The following AFF2 variants were observed in gnomAD, a reference collection of about 807,000 sequenced individuals.
AFF2 encodes ALF transcription elongation factor 2, also known as AF4/FMR2 family member 2.
Under a neutral mutation model 76.9 loss-of-function variants are expected in AFF2, and 14 were observed. The ratio of observed to expected loss-of-function variants is 0.18; its 90% CI spans 0.12 to 0.28. The LOEUF is 0.28. Among genes scored for constraint, AFF2 ranks in the 10% least tolerant of loss-of-function variants. AFF2 has a pLI of 1.00. For synonymous variants in AFF2, 398 were observed against 366.7 expected (o/e 1.09, Z -0.98); for missense variants, 868 against 1,001.1 (o/e 0.87, Z 1.79).
intron 3 of AFF2, among the ~76,000 whole-genome samples, chrX:148,681,998 A>G: frequency 8.9e-6 from 1 of 112,053 alleles, no homozygotes; most frequent in East Asian, 2.8e-4. Context: ...GGTGACAAAT[A>G]CATACTTTAG....
chrX:148,652,249 G>A, intron 2 of AFF2, 118 bp downstream of exon 2: 1 of 588,754 alleles, frequency 1.7e-6, no homozygotes, highest in Non-Finnish European at 2.7e-6. Flanking sequence ...TTTTACAAGT[G>A]AAATTTGTAC....
At chrX:148,581,656 A>G (rs1240068610) in intron 1 of AFF2, among the ~76,000 whole-genome samples, 1 of 111,730 alleles carries the variant, frequency 9.0e-6, no homozygotes, top group Non-Finnish European at 1.9e-5. Context: ...ATATACATAT[A>G]CGTATACGTG....
intron 3 of AFF2, among the ~76,000 whole-genome samples, chrX:148,736,585 T>A (rs782151319): frequency 8.9e-6 from 1 of 111,855 alleles, no homozygotes; most frequent in South Asian, 3.8e-4. Flanking sequence ...CTCTGCTGAC[T>A]GTTCCTTTTG....
At chrX:148,786,324 T>C (rs781966010) in intron 3 of AFF2, among the ~76,000 whole-genome samples, 4 of 111,708 alleles carry the variant, frequency 3.6e-5, no homozygotes, top group African/African-American at 6.5e-5. Flanking sequence ...TGTATTTGTC[T>C]TCACCCACTA....
At chrX:148,726,412 C>T (rs896969220) in intron 3 of AFF2, among the ~76,000 whole-genome samples, 2 of 111,534 alleles carry the variant, frequency 1.8e-5, no homozygotes, top group East Asian at 2.8e-4. Flanking sequence ...AATTTCTTAT[C>T]GGTATAGGGA....
chrX:148,654,298 T>A (rs782349640), intron 2 of AFF2, among the ~76,000 whole-genome samples: 1 of 111,620 alleles, frequency 9.0e-6, no homozygotes, highest in Non-Finnish European at 1.9e-5. Context: ...AAGGAGTAAT[T>A]GGTGACCTTA....
At chrX:148,712,634 G>A (rs1178533413) in intron 3 of AFF2, among the ~76,000 whole-genome samples, 2 of 111,996 alleles carry the variant, frequency 1.8e-5, no homozygotes, top group Non-Finnish European at 3.8e-5. Flanking sequence ...AACTCAATAT[G>A]CAATGAATTC....
chrX:148,750,181 G>C (rs2055479896), intron 3 of AFF2, among the ~76,000 whole-genome samples: 1 of 109,937 alleles, frequency 9.1e-6, no homozygotes, highest in Non-Finnish European at 1.9e-5. Flanking sequence ...TGTTGGCCAG[G>C]CTGGTCTCGA....
In AFF2 at chrX:148,707,912, CCACT is replaced by C. The variant is rs1341492349; in HGVS notation, c.1041+45147_1041+45150del. Among the ~76,000 whole-genome samples the C allele has an allele frequency of 4.5e-5, 5 of 111,585 alleles. No homozygotes were observed. The Admixed American group carries it at 4.8e-4, about 11-fold the overall frequency. On this transcript the variant is annotated intron_variant, in intron 3 of 20. Transcript: ENST00000370460. ...ATTTAAAGAAATGCAGAAAGAATGG[CCACT>C]CAAATTTTAATGGTGGTAATGTTAG...
chrX:148,783,495 T>TAA (rs2069771691), intron 3 of AFF2, among the ~76,000 whole-genome samples: 1 of 112,153 alleles, frequency 8.9e-6, no homozygotes, highest in Non-Finnish European at 1.9e-5. Context: ...AGTTAGTTTT[T>TAA]ACAGGTTGGG....
chrX:148,544,261 G>C (rs781944771), intron 1 of AFF2, among the ~76,000 whole-genome samples: 1 of 112,531 alleles, frequency 8.9e-6, no homozygotes, highest in Non-Finnish European at 1.9e-5. Flanking sequence ...TCCTTTCCAA[G>C]TTGAAATAAT....
chrX:148,880,672 A>G lies in AFF2; in HGVS notation c.1263-5217A>G, dbSNP rs185185102. On this transcript the variant is annotated intron_variant, in intron 7 of 20. Coordinates refer to ENST00000370460, the MANE Select transcript of AFF2 (RefSeq NM_002025.4). ...TAAACCAGTAACCGGAAGACCCCAAACTCACTGGGCCAGAAGTTATAGCTC... is the reference window on the plus strand; with the variant it reads ...TAAACCAGTAACCGGAAGACCCCAAGCTCACTGGGCCAGAAGTTATAGCTC... Among the ~76,000 whole-genome samples the G allele has an allele frequency of 2.4e-3, 273 of 111,617 alleles. 1 individual carries two copies. Among genetic ancestry groups the G allele is most frequent in the African/African-American group, 8.4e-3 (257 of 30,687 alleles).
At position 148,998,193 on chromosome X, in the gene AFF2, AAAG is replaced by A. The variant is rs1853219095; in HGVS notation, c.*6866_*6868del. On this transcript the variant is annotated 3_prime_UTR_variant, in exon 21 of 21. Transcript: ENST00000370460. ...GAGTGATATATTCTTTGGATCCTGCAAAGAAGAGATTGGTTTATTTTCTTTTCT... is the reference window on the plus strand; with the variant it reads ...GAGTGATATATTCTTTGGATCCTGCAAAGAGATTGGTTTATTTTCTTTTCT... 1 of 111,449 alleles carries A rather than the reference AAAG, an allele frequency of 9.0e-6. No individual in the cohort carries two copies. Among genetic ancestry groups the A allele is most frequent in the Non-Finnish European group, 1.9e-5 (1 of 53,045 alleles). 9.2% of individuals were successfully genotyped at this position (111,449 alleles called of 1,213,427 possible).
rs150829642 is a variant in AFF2, at chrX:148,630,044, T to G, written c.48-21955T>G. Reference sequence around the variant, plus strand: ...AACAGCGTTGTGAGCCCACTCTGCTTTCCTTGAAGCTGATACATTCCATTT... The same window carrying G: ...AACAGCGTTGTGAGCCCACTCTGCTGTCCTTGAAGCTGATACATTCCATTT... On this transcript the variant is annotated intron_variant, in intron 1 of 20. Transcript: ENST00000370460. 6.4e-3 allele frequency among the ~76,000 whole-genome samples: 719 copies of G among 111,866 alleles called. 1 individual carries two copies. Among genetic ancestry groups the G allele is most frequent in the Non-Finnish European group, 0.011 (575 of 53,112 alleles).
chrX:148,748,006 T>C (rs1459213748), intron 3 of AFF2, among the ~76,000 whole-genome samples: 1 of 112,071 alleles, frequency 8.9e-6, no homozygotes, highest in Non-Finnish European at 1.9e-5. Context: ...AATTCATGAG[T>C]CCTGATGCTT....
intron 1 of AFF2, among the ~76,000 whole-genome samples, chrX:148,554,504 G>A (rs2053030002): frequency 8.9e-6 from 1 of 111,986 alleles, no homozygotes; most frequent in South Asian, 3.7e-4. Context: ...AACTGAAGGA[G>A]TTAGATCGGG....
intron 9 of AFF2, among the ~76,000 whole-genome samples, chrX:148,916,139 A>G (rs782019432): frequency 1.6e-4 from 16 of 100,892 alleles, no homozygotes; most frequent in Non-Finnish European, 3.0e-4. Context: ...CAAACCATGT[A>G]TGAGGTTCTT....
chrX:148,725,550 A>G (rs1360870798), intron 3 of AFF2, among the ~76,000 whole-genome samples: 2 of 111,744 alleles, frequency 1.8e-5, no homozygotes, highest in African/African-American at 6.5e-5. Context: ...TTAGCTTACT[A>G]AGATATGGCT....
chrX:148,608,550 C>T (rs1557249076), intron 1 of AFF2, among the ~76,000 whole-genome samples: 1 of 109,433 alleles, frequency 9.1e-6, no homozygotes, highest in African/African-American at 3.3e-5. Context: ...GGGTCTCACT[C>T]TGTCACCCTA....
Sources: allele counts gnomAD v4.1 joint callset (sites outside exome capture counted in the v4.1 genomes callset), GRCh38; gene constraint gnomAD v4.1.1; transcripts MANE v1.5; gene names NCBI Gene and HGNC (gene_info 2026-07-23, HGNC 2026-07-21).